The following SETX variants were observed in gnomAD, a reference collection of about 807,000 sequenced individuals.
SETX encodes helicase senataxin.
A neutral mutation model predicts 227.2 loss-of-function variants in SETX; 90 were observed. The observed-to-expected ratio is 0.40, with a 90% CI of 0.33 to 0.47. SETX has a LOEUF of 0.47. Among genes scored for constraint, SETX ranks in the 20% least tolerant of loss-of-function variants. The probability of loss-of-function intolerance (pLI) is 0.91; values close to 1 mark genes in which losing one functional copy is unlikely to be tolerated. For synonymous variants in SETX, 1,210 were observed against 1,113.2 expected (o/e 1.09, Z -1.73); for missense variants, 3,052 against 3,181.5 (o/e 0.96, Z 0.98).
At chr9:132,282,775 G>T in intron 19 of SETX, 1 of 159,264 alleles carries the variant, frequency 6.3e-6, no homozygotes, top group Admixed American at 5.9e-5. Flanking sequence ...TTTCCTTCTG[G>T]TGAAAACTGG....
Position 132,271,763 on chromosome 9 carries a change from C to T in SETX, c.7146G>A (p.Lys2382=), listed in dbSNP as rs2131148463. 1 of 1,614,174 alleles carries T rather than the reference C, an allele frequency of 6.2e-7. No homozygotes were observed. Among genetic ancestry groups the T allele is most frequent in the Non-Finnish European group, 8.5e-7 (1 of 1,180,022 alleles). The change falls in exon 24 of 26, where the codon AAG becomes AAA. Residue 2382 remains lysine (K), a synonymous_variant. Transcript: ENST00000224140. The part of the protein sequence containing the change: ...DTVDAFQGRQ[K]DCVIVTCVRA... ...TGACACACGTAACAATAACACAATC[C>T]TTCTGCCGACCCTGGAATGCATCCA...
rs1453459239 is a variant in SETX at position 132,328,118 on chromosome 9, A to G, written c.3480T>C (p.Pro1160=). Residue 1160 remains proline (P), a synonymous_variant, in exon 10 of 26, where the codon CCT becomes CCC. Coordinates refer to ENST00000224140, the MANE Select transcript of SETX (RefSeq NM_015046.7). ...EEFCEIEVKK[P]KRKRSEKPMA... ...TTGGTTTTTCAGATCGTTTTCTCTT[A>G]GGCTTTTTTACTTCAATTTCACAAA... 1 of 1,613,996 alleles carries G rather than the reference A, an allele frequency of 6.2e-7. No individual in the cohort carries two copies. Among genetic ancestry groups the G allele is most frequent in the South Asian group, 1.1e-5 (1 of 91,068 alleles).
chr9:132,344,992 C>T (rs1848206031), intron 4 of SETX, among the ~76,000 whole-genome samples: 1 of 152,012 alleles, frequency 6.6e-6, no homozygotes, highest in African/African-American at 2.4e-5. Flanking sequence ...CTATAATAAG[C>T]CATGCCATAG....
At chr9:132,287,050 G>T (rs1843944482) in intron 17 of SETX, among the ~76,000 whole-genome samples, 1 of 152,196 alleles carries the variant, frequency 6.6e-6, no homozygotes, top group African/African-American at 2.4e-5. Context: ...GTGGAGAAAT[G>T]ATATCATGTG....
intron 25 of SETX, chr9:132,269,266 G>A: frequency 2.0e-6 from 1 of 505,970 alleles, no homozygotes; most frequent in Non-Finnish European, 3.2e-6. Flanking sequence ...CTGGCATTAA[G>A]CTGGGCCAAT....
chr9:132,351,991 T>C (rs1848628510), intron 2 of SETX, among the ~76,000 whole-genome samples: 2 of 152,336 alleles, frequency 1.3e-5, no homozygotes, highest in South Asian at 4.1e-4. Context: ...TCTACAGACT[T>C]ATCCTTAGGC....
At chr9:132,338,838 G>A (rs547404658) in intron 5 of SETX, among the ~76,000 whole-genome samples, 1 of 152,214 alleles carries the variant, frequency 6.6e-6, no homozygotes, top group South Asian at 2.1e-4. Context: ...GTTCACTGCA[G>A]CCTCAACCTC....
intron 21 of SETX, among the ~76,000 whole-genome samples, chr9:132,277,484 A>C (rs144795919): frequency 1.2e-3 from 179 of 152,312 alleles, no homozygotes; most frequent in African/African-American, 4.1e-3. Flanking sequence ...GCATAGTAAA[A>C]GGACTGAAAC....
chr9:132,347,509 A>G (rs558621433), intron 3 of SETX, among the ~76,000 whole-genome samples: 1 of 151,866 alleles, frequency 6.6e-6, no homozygotes, highest in Non-Finnish European at 1.5e-5. Context: ...ACGGACTTTC[A>G]CCATGATGGC....
At chr9:132,352,740 G>GT (rs1848666786) in intron 2 of SETX, among the ~76,000 whole-genome samples, 1 of 152,184 alleles carries the variant, frequency 6.6e-6, no homozygotes, top group Non-Finnish European at 1.5e-5. Flanking sequence ...TGCATACAGT[G>GT]TATCTCTACT....
intron 2 of SETX, among the ~76,000 whole-genome samples, chr9:132,351,336 T>C (rs534430267): frequency 6.6e-6 from 1 of 152,326 alleles, no homozygotes; most frequent in Admixed American, 6.5e-5. Context: ...TGTTGCATAC[T>C]TCTTTTCCCA....
At chr9:132,287,780 GCAGA>G (rs1020638711) in intron 17 of SETX, among the ~76,000 whole-genome samples, 1 of 102,428 alleles carries the variant, frequency 9.8e-6, no homozygotes, top group Non-Finnish European at 2.0e-5. Context: ...AAAAAAAAAA[GCAGA>G]AAGAAATGTG....
chr9:132,266,688 C>A (rs1316483487), intron 25 of SETX, among the ~76,000 whole-genome samples: 1 of 152,090 alleles, frequency 6.6e-6, no homozygotes, highest in Non-Finnish European at 1.5e-5. Context: ...ATGAGAATCG[C>A]CTGAACCCAG....
At chr9:132,302,533 G>C (rs1303940745) in intron 11 of SETX, among the ~76,000 whole-genome samples, 1 of 150,212 alleles carries the variant, frequency 6.7e-6, no homozygotes, top group African/African-American at 2.5e-5. Flanking sequence ...CGTGGCAGGC[G>C]CCTGTAATCC....
chr9:132,346,161 A>T, intron 4 of SETX, 100 bp downstream of exon 4: 1 of 947,458 alleles, frequency 1.1e-6, no homozygotes, highest in Non-Finnish European at 1.6e-6. Context: ...TATCCTAATT[A>T]TATGTTTAGC....
At chr9:132,350,921 G>A (rs1848570895) in intron 2 of SETX, among the ~76,000 whole-genome samples, 1 of 152,186 alleles carries the variant, frequency 6.6e-6, no homozygotes, top group Non-Finnish European at 1.5e-5. Flanking sequence ...AAAAGAGTAT[G>A]CAGTGATAGC....
At chr9:132,354,881 C>T (rs1848825638) in intron 1 of SETX, 36 bp downstream of exon 1, 1 of 152,682 alleles carries the variant, frequency 6.5e-6, no homozygotes, top group Non-Finnish European at 1.5e-5. Flanking sequence ...CTCACGCCCG[C>T]CCGACCTACG....
At chr9:132,352,159 G>A (rs1177130808) in intron 2 of SETX, among the ~76,000 whole-genome samples, 1 of 152,100 alleles carries the variant, frequency 6.6e-6, no homozygotes, top group Non-Finnish European at 1.5e-5. Flanking sequence ...TGAATGTGAA[G>A]TCCCTAACAA....
intron 20 of SETX, among the ~76,000 whole-genome samples, chr9:132,280,511 C>T (rs17393552): frequency 0.063 from 9,516 of 152,170 alleles, 378 homozygotes; most frequent in Non-Finnish European, 0.091. Flanking sequence ...GACGGGTGTG[C>T]TTCTGGGCCA....
Sources: gnomAD v4.1 joint callset for allele counts (sites outside exome capture counted in the v4.1 genomes callset) on GRCh38, gnomAD v4.1.1 for gene constraint, MANE v1.5 for transcripts, NCBI Gene and HGNC (gene_info 2026-07-23, HGNC 2026-07-21) for gene names.